TMEM201: variants seen among roughly 807,000 people sequenced by gnomAD.
TMEM201 encodes the protein transmembrane protein 201.
TMEM201 carries 26 observed loss-of-function variants against 63.4 expected under a neutral mutation model. The observed-to-expected ratio is 0.41, with a 90% confidence interval of 0.30 to 0.57. The LOEUF (loss-of-function observed/expected upper bound fraction) is 0.57, where lower values mean the gene tolerates loss of function less well. TMEM201 is among the 20% of genes least tolerant of loss of function. TMEM201 has a pLI of 0.29. For missense variants in TMEM201, 794 were observed against 917.7 expected, an observed-to-expected ratio of 0.87 and a Z score of 1.74; for synonymous variants, 417 against 421.6, an observed-to-expected ratio of 0.99 and a Z score of 0.14.
intron 1 of TMEM201, among the ~76,000 whole-genome samples, chr1:9,590,875 G>C (rs1325785693): frequency 6.6e-6 from 1 of 152,242 alleles, no homozygotes; most frequent in Non-Finnish European, 1.5e-5. Context: ...TGCTGTGACA[G>C]TGAGGAACCA....
At position 9,603,761 on chromosome 1, in the gene TMEM201, C is replaced by G; in HGVS notation, c.1160+1489C>G. ...ATTGGGTAGCAGCTCACATCCCACC[C>G]AGCTTCACAAGTGAGGAACCCAGGT... On this transcript the variant is annotated intron_variant, in intron 6 of 10. Coordinates refer to ENST00000340381, the MANE Select transcript of TMEM201 (RefSeq NM_001130924.3). This position sits in a 1 kb window ranked among gnomAD's most constrained non-coding sequence, Gnocchi z 4.5. The G allele has an allele frequency of 1.0e-6, 1 of 985,484 alleles. No individual in the cohort carries two copies. Among genetic ancestry groups the G allele is most frequent in the Non-Finnish European group, 1.2e-6 (1 of 829,950 alleles). 61.0% of individuals were successfully genotyped at this position (985,484 alleles called of 1,614,324 possible).
intron 3 of TMEM201, among the ~76,000 whole-genome samples, chr1:9,597,303 A>C: frequency 6.6e-6 from 1 of 152,224 alleles, no homozygotes; most frequent in East Asian, 1.9e-4. Context: ...AGTCACTGCT[A>C]TCGGGGTTCC....
intron 1 of TMEM201, 62 bp from the exon 2 acceptor site, chr1:9,595,828 A>G (rs1644007558): frequency 1.9e-6 from 3 of 1,604,628 alleles, no homozygotes; most frequent in Non-Finnish European, 2.5e-6. Context: ...CAGGGCATGG[A>G]GGTCCCTCTC....
chr1:9,592,063 G>A (rs1643931234), intron 1 of TMEM201, among the ~76,000 whole-genome samples: 1 of 152,238 alleles, frequency 6.6e-6, no homozygotes. Context: ...ACCCTAGAAT[G>A]GTGGATTGGG....
rs1379952883 is a variant in TMEM201, at chr1:9,602,084, T to A, written c.972T>A (p.Asp324Glu). Reference sequence around the variant, plus strand: ...TCCCTTTCAGGCTCCGGAGGATCGATGCCTTCTGCACCTGCCTGTGGGCCC... The same window carrying A: ...TCCCTTTCAGGCTCCGGAGGATCGAAGCCTTCTGCACCTGCCTGTGGGCCC... ...LAGRIRLRRIDAFCTCLWALL... is the reference protein window; with the variant it reads ...LAGRIRLRRIEAFCTCLWALL... Residue 324 changes from aspartate (D) to glutamate (E), a missense_variant, in exon 6 of 11, where the codon GAT becomes GAA. Transcript: ENST00000340381. 6.2e-7 allele frequency: 1 copy of A among 1,611,952 alleles called. No individual in the cohort carries two copies. Among genetic ancestry groups the A allele is most frequent in the East Asian group, 2.2e-5 (1 of 44,828 alleles).
rs1198199621 is a variant in TMEM201, at chr1:9,607,387, C to T, written c.1161-170C>T. On this transcript the variant is annotated intron_variant, in intron 6 of 10. Coordinates refer to ENST00000340381, the MANE Select transcript of TMEM201 (RefSeq NM_001130924.3). This position sits in a 1 kb window ranked among gnomAD's most constrained non-coding sequence, Gnocchi z 5.4. Reference sequence around the variant, plus strand: ...CCTCCCAGCCACCCGCTCCTAATGGCGTGAATGTGGTCGGATTGCTTTTCT... The same window carrying T: ...CCTCCCAGCCACCCGCTCCTAATGGTGTGAATGTGGTCGGATTGCTTTTCT... 6.6e-6 allele frequency among the ~76,000 whole-genome samples: 1 copy of T among 151,924 alleles called. No homozygotes were observed. Among genetic ancestry groups the T allele is most frequent in the Non-Finnish European group, 1.5e-5 (1 of 68,002 alleles).
At position 9,611,232 on chromosome 1, in the gene TMEM201, C is replaced by T. The variant is rs144608114; in HGVS notation, c.1765+427C>T. ...TTTTTTTTCGAGATGCAGTCTCACT[C>T]TGTCGCCCAGGCTGGAGTGCAGTGG... On this transcript the variant is annotated intron_variant, in intron 9 of 10. Transcript: ENST00000340381. Among the ~76,000 whole-genome samples the T allele has an allele frequency of 3.1e-3, 449 of 146,996 alleles. 15 individuals are homozygous for T. The East Asian group carries it at 0.066, about 22-fold the overall frequency.
At chr1:9,600,490 C>A (rs905470441) in intron 4 of TMEM201, among the ~76,000 whole-genome samples, 2 of 152,190 alleles carry the variant, frequency 1.3e-5, no homozygotes, top group Non-Finnish European at 2.9e-5. Flanking sequence ...AACCCATGCT[C>A]AGATACGCAC....
At position 9,613,415 on chromosome 1, in the gene TMEM201, G is replaced by GCTGA; in HGVS notation, c.*332_*333insCTGA. ...ACACAGTTCAGCCCTGCCTGGCAGG[G>GCTGA]ACGCCAGTACTACTGTAACTGCAGC... On this transcript the variant is annotated 3_prime_UTR_variant, in exon 11 of 11. Transcript: ENST00000340381. 5.3e-6 allele frequency: 2 copies of GCTGA among 376,176 alleles called. No individual in the cohort carries two copies. Among genetic ancestry groups the GCTGA allele is most frequent in the Non-Finnish European group, 4.9e-6 (1 of 203,520 alleles). 23.3% of individuals were successfully genotyped at this position (376,176 alleles called of 1,614,324 possible). A position where few individuals can be genotyped will look rare whatever the true frequency, so the allele number is the denominator to read the frequency against.
chr1:9,604,449 A>C lies in TMEM201; in HGVS notation c.1160+2177A>C. ...CTTAAAAGTTTCACTACGTGGAGAA[A>C]ATTCCAGCACCAAGTGTTGTGGCAA... On this transcript the variant is annotated intron_variant, in intron 6 of 10. Coordinates refer to ENST00000340381, the MANE Select transcript of TMEM201 (RefSeq NM_001130924.3). This position sits in a 1 kb window ranked among gnomAD's most constrained non-coding sequence, Gnocchi z 4.1. 1 of 985,408 alleles carries C rather than the reference A, an allele frequency of 1.0e-6. No individual in the cohort carries two copies. The highest frequency in any genetic ancestry group is 1.2e-6 in the Non-Finnish European group (1 of 829,928). 61.0% of individuals were successfully genotyped at this position (985,408 alleles called of 1,614,324 possible).
rs1644224425 is a variant in TMEM201 at position 9,605,419 on chromosome 1, C to G, written c.1161-2138C>G. Among the ~76,000 whole-genome samples the G allele has an allele frequency of 6.6e-6, 1 of 152,292 alleles. No homozygotes were observed. The highest frequency in any genetic ancestry group is 2.4e-5 in the African/African-American group (1 of 41,564). On this transcript the variant is annotated intron_variant, in intron 6 of 10. Coordinates refer to ENST00000340381, the MANE Select transcript of TMEM201 (RefSeq NM_001130924.3). This position sits in a 1 kb window ranked among gnomAD's most constrained non-coding sequence, Gnocchi z 5.7. ...AGGCCTGATCCTGGTCTCTTAGTCC[C>G]TCTCTGAGACGTGGTTTGAGGGCAC...
In TMEM201 at chr1:9,608,580, A is replaced by G. The variant is rs1287611117; in HGVS notation, c.1393+791A>G. ...GGCACCCCAGCCTGGTGGCACTTGAATGGAACTTGGGGTGGGAGGTGCCAG... is the reference window on the plus strand; with the variant it reads ...GGCACCCCAGCCTGGTGGCACTTGAGTGGAACTTGGGGTGGGAGGTGCCAG... On this transcript the variant is annotated intron_variant, in intron 7 of 10. Coordinates refer to ENST00000340381, the MANE Select transcript of TMEM201 (RefSeq NM_001130924.3). This position sits in a 1 kb window ranked among gnomAD's most constrained non-coding sequence, Gnocchi z 4.3. 6.6e-6 allele frequency among the ~76,000 whole-genome samples: 1 copy of G among 152,208 alleles called. No individual in the cohort carries two copies. Among genetic ancestry groups the G allele is most frequent in the Admixed American group, 6.5e-5 (1 of 15,292 alleles).
rs769353157 is a variant in TMEM201, at chr1:9,595,902, G to A, written c.126G>A (p.Thr42=). 28 of 1,613,312 alleles carry A rather than the reference G, an allele frequency of 1.7e-5. No individual in the cohort carries two copies. In the Admixed American group the frequency reaches 2.3e-4, roughly 13 times the overall value. The change falls in exon 2 of 11, where the codon ACG becomes ACA. Residue 42 remains threonine (T), a synonymous_variant. Coordinates refer to ENST00000340381, the MANE Select transcript of TMEM201 (RefSeq NM_001130924.3). ...LYRIARRMKP[T]HTMVNCWFCN... ...CCTTGGTCCACAGGATGAAGCCAACGCACACGATGGTCAACTGCTGGTTCT... is the reference window on the plus strand; with the variant it reads ...CCTTGGTCCACAGGATGAAGCCAACACACACGATGGTCAACTGCTGGTTCT...
In TMEM201 at chr1:9,603,792, G is replaced by A. The variant is rs556678434; in HGVS notation, c.1160+1520G>A. The A allele has an allele frequency of 1.7e-5, 17 of 985,458 alleles. No homozygotes were observed. The African/African-American group carries it at 2.1e-4, about 12-fold the overall frequency. The allele number at this position is 985,458 out of a possible 1,614,324, so 61.0% of individuals were successfully genotyped here. ...CACAAGTGAGGAACCCAGGTGCATC[G>A]GGAGACCCTCGGGGGCTTCTGTGGC... On this transcript the variant is annotated intron_variant, in intron 6 of 10. Coordinates refer to ENST00000340381, the MANE Select transcript of TMEM201 (RefSeq NM_001130924.3). The surrounding 1 kb of genome is among the most constrained non-coding windows in gnomAD (Gnocchi z 4.5).
chr1:9,598,807 G>T (rs983178162), intron 4 of TMEM201, among the ~76,000 whole-genome samples, 182 bp downstream of exon 4: 2 of 151,980 alleles, frequency 1.3e-5, no homozygotes, highest in East Asian at 1.9e-4. Flanking sequence ...ACGCCACCAC[G>T]CCTGGCTAAT....
chr1:9,613,481 C>T lies in TMEM201; in HGVS notation c.*398C>T, dbSNP rs189873661. On this transcript the variant is annotated 3_prime_UTR_variant, in exon 11 of 11. Transcript: ENST00000340381. ...TGCCTTCTGGCCCCACGCCCACAGG[C>T]GTAGTCACATCTTTGTACTGTACTC... 1.3e-4 allele frequency: 34 copies of T among 262,648 alleles called. No homozygotes were observed. The highest frequency in any genetic ancestry group is 2.2e-4 in the Non-Finnish European group (29 of 134,340). 16.3% of individuals were successfully genotyped at this position (262,648 alleles called of 1,614,324 possible).
At chr1:9,592,223 T>C (rs1643933269) in intron 1 of TMEM201, among the ~76,000 whole-genome samples, 1 of 152,246 alleles carries the variant, frequency 6.6e-6, no homozygotes, top group Non-Finnish European at 1.5e-5. Context: ...CTGGTCCTTC[T>C]GGTTGAATGA....
At position 9,607,597 on chromosome 1, in the gene TMEM201, C is replaced by T. The variant is rs1348892674; in HGVS notation, c.1201C>T (p.Pro401Ser). The T allele has an allele frequency of 6.4e-7, 1 of 1,551,568 alleles. No homozygotes were observed. ...CTCTGCCGGCCTTTTCCCCACCAGC[C>T]CCAGCTTGGCCATCCCTCACCCGAG... is the stretch of plus-strand genomic sequence containing the variant. The part of the protein sequence containing the change: ...GDSAGLFPTS[P>S]SLAIPHPSVG... Residue 401 changes from proline to serine, a missense_variant, in exon 7 of 11, where the codon CCC becomes TCC. By Grantham distance (74) the Pro-to-Ser change is moderately conservative (BLOSUM62 -1). Transcript: ENST00000340381. This position sits in a 1 kb window ranked among gnomAD's most constrained non-coding sequence, Gnocchi z 5.4.
At position 9,604,879 on chromosome 1, in the gene TMEM201, A is replaced by G. The variant is rs1219786029; in HGVS notation, c.1160+2607A>G. 1.0e-6 allele frequency: 1 copy of G among 985,930 alleles called. No homozygotes were observed. Among genetic ancestry groups the G allele is most frequent in the East Asian group, 1.1e-4 (1 of 8,814 alleles). 61.1% of individuals were successfully genotyped at this position (985,930 alleles called of 1,614,324 possible). ...TAGTGACCCTCTCATCACTGTAACC[A>G]TCGCGCCTGGCCTAGATGTCGTGTT... On this transcript the variant is annotated intron_variant, in intron 6 of 10. Transcript: ENST00000340381. This position sits in a 1 kb window ranked among gnomAD's most constrained non-coding sequence, Gnocchi z 4.1.
Sources: allele counts gnomAD v4.1 joint callset (sites outside exome capture counted in the v4.1 genomes callset), GRCh38; gene constraint gnomAD v4.1.1; non-coding constraint Gnocchi (gnomAD v3.1); transcripts MANE v1.5; gene names NCBI Gene and HGNC (gene_info 2026-07-23, HGNC 2026-07-21).